The following SUSD5 variants were observed in gnomAD, a reference collection of about 807,000 sequenced individuals.
SUSD5 encodes the protein sushi domain containing 5, also known as sushi domain-containing protein 5.
Under a neutral mutation model 29.5 loss-of-function variants are expected in SUSD5, and 33 were observed. That is an observed-to-expected ratio of 1.12 (90% CI 0.85 to 1.49). The LOEUF is 1.49. Ranked by LOEUF, SUSD5 falls within the 40% of genes most tolerant of loss-of-function variation. The pLI is 0.00. For missense variants in SUSD5, 776 were observed against 800.6 expected, an observed-to-expected ratio of 0.97 and a Z score of 0.37; for synonymous variants, 308 against 325.3, an observed-to-expected ratio of 0.95 and a Z score of 0.57.
chr3:33,154,366 AC>A (rs1041526382), intron 4 of SUSD5, among the ~76,000 whole-genome samples: 1 of 152,128 alleles, frequency 6.6e-6, no homozygotes, highest in African/African-American at 2.4e-5. Context: ...CTAATAAAAT[AC>A]AAAAAAATAG....
intron 3 of SUSD5, among the ~76,000 whole-genome samples, chr3:33,179,163 G>C (rs1007788022): frequency 3.3e-5 from 5 of 152,182 alleles, no homozygotes; most frequent in African/African-American, 1.2e-4. Flanking sequence ...TCTACAATGG[G>C]ACAATTTAAT....
intron 3 of SUSD5, among the ~76,000 whole-genome samples, chr3:33,201,373 C>T (rs572449501): frequency 1.3e-5 from 2 of 152,312 alleles, no homozygotes; most frequent in South Asian, 2.1e-4. Flanking sequence ...AGAGTGCAGC[C>T]GCAGCTCTTC....
At position 33,150,702 on chromosome 3, in the gene SUSD5, T is replaced by C. The variant is rs557980775; in HGVS notation, c.*2040A>G. On this transcript the variant is annotated 3_prime_UTR_variant, in exon 5 of 5. Transcript: ENST00000309558. Reference sequence around the variant, plus strand: ...GAATAAGATCTTTGATTATGCTGCCTCTCTTTACAGCTACTTCGCCTATTA... The same window carrying C: ...GAATAAGATCTTTGATTATGCTGCCCCTCTTTACAGCTACTTCGCCTATTA... 4.6e-5 allele frequency: 7 copies of C among 152,344 alleles called. No individual in the cohort carries two copies. The East Asian group carries it at 1.3e-3, about 29-fold the overall frequency. The allele number at this position is 152,344 out of a possible 1,614,324, so 9.4% of individuals were successfully genotyped here. A position where few individuals can be genotyped will look rare whatever the true frequency, so the allele number is the denominator to read the frequency against.
At chr3:33,172,794 T>A (rs187508700) in intron 4 of SUSD5, among the ~76,000 whole-genome samples, 62 of 152,390 alleles carry the variant, frequency 4.1e-4, no homozygotes, top group Admixed American at 3.9e-3. Flanking sequence ...CTACTTAATT[T>A]AACACAGATT....
intron 4 of SUSD5, among the ~76,000 whole-genome samples, chr3:33,169,611 AAGAC>A (rs2031380197): frequency 6.6e-6 from 1 of 152,208 alleles, no homozygotes; most frequent in African/African-American, 2.4e-5. Flanking sequence ...CAACTCCCAG[AAGAC>A]AGACAGCATG....
chr3:33,150,804 C>T lies in SUSD5; in HGVS notation c.*1938G>A, dbSNP rs2030856288. 1 of 152,064 alleles carries T rather than the reference C, an allele frequency of 6.6e-6. No homozygotes were observed. Among genetic ancestry groups the T allele is most frequent in the Non-Finnish European group, 1.5e-5 (1 of 68,008 alleles). 9.4% of individuals were successfully genotyped at this position (152,064 alleles called of 1,614,324 possible). A position where few individuals can be genotyped will look rare whatever the true frequency, so the allele number is the denominator to read the frequency against. On this transcript the variant is annotated 3_prime_UTR_variant, in exon 5 of 5. Coordinates refer to ENST00000309558, the MANE Select transcript of SUSD5 (RefSeq NM_015551.2). The stretch of plus-strand genomic sequence containing the variant: ...ATGTTTTTTTTCCTTAGGTAAAACA[C>T]CACCAACAATTTTTCAATCATAAAA...
intron 3 of SUSD5, among the ~76,000 whole-genome samples, chr3:33,195,923 A>G (rs2031986343): frequency 6.6e-6 from 1 of 152,232 alleles, no homozygotes; most frequent in Non-Finnish European, 1.5e-5. Context: ...ACATATTCAT[A>G]TTTATAATAG....
intron 3 of SUSD5, among the ~76,000 whole-genome samples, chr3:33,190,044 C>A (rs943801482): frequency 6.6e-6 from 1 of 152,112 alleles, no homozygotes; most frequent in Non-Finnish European, 1.5e-5. Flanking sequence ...TATTCAAATT[C>A]AAAAAACTGA....
At chr3:33,199,148 A>G (rs1053596499) in intron 3 of SUSD5, among the ~76,000 whole-genome samples, 21 of 152,172 alleles carry the variant, frequency 1.4e-4, no homozygotes, top group Middle Eastern at 3.4e-3. Flanking sequence ...ATCTCCCTTC[A>G]GTCTCACTGC....
At position 33,207,816 on chromosome 3, in the gene SUSD5, T is replaced by C. The variant is rs201895444; in HGVS notation, c.401A>G (p.Lys134Arg). 23 of 1,611,618 alleles carry C rather than the reference T, an allele frequency of 1.4e-5. No individual in the cohort carries two copies. In the African/African-American group the frequency reaches 2.9e-4, roughly 21 times the overall value. The change falls in exon 3 of 5, where the codon AAG becomes AGG. Residue 134 changes from lysine (K) to arginine (R), a missense_variant. By Grantham distance (26) the Lys-to-Arg change is conservative. Coordinates refer to ENST00000309558, the MANE Select transcript of SUSD5 (RefSeq NM_015551.2). The part of the protein sequence containing the change: ...PGGTYSALCI[K>R]DEEKPCGDPP... ...AAGACTCTGGCACTGACCTTCATCC[T>C]TAATACAAAGGGCACTGTATGTGCC... is the stretch of plus-strand genomic sequence containing the variant.
intron 1 of SUSD5, among the ~76,000 whole-genome samples, chr3:33,214,693 C>T (rs1166782885): frequency 6.6e-6 from 1 of 152,080 alleles, no homozygotes; most frequent in Non-Finnish European, 1.5e-5. Flanking sequence ...AATATATGGA[C>T]ATGTAGTGGG....
At chr3:33,160,202 T>A (rs1024952347) in intron 4 of SUSD5, among the ~76,000 whole-genome samples, 3 of 152,182 alleles carry the variant, frequency 2.0e-5, no homozygotes, top group Non-Finnish European at 4.4e-5. Context: ...CTTGAACTTC[T>A]GGTCTCAAGC....
chr3:33,202,054 ATCTATCTG>A (rs138267485), intron 3 of SUSD5, among the ~76,000 whole-genome samples: 8,011 of 122,926 alleles, frequency 0.065, 652 homozygotes, highest in African/African-American at 0.21. Context: ...CTATCTATCT[ATCTATCTG>A]TCTATCTATC....
chr3:33,153,829 G>T lies in SUSD5; in HGVS notation c.803C>A (p.Pro268Gln). Residue 268 changes from proline (P) to glutamine (Q), a missense_variant, in exon 5 of 5, where the codon CCA becomes CAA. Pro to Gln is a moderately conservative substitution (Grantham distance 76, BLOSUM62 -1). Coordinates refer to ENST00000309558, the MANE Select transcript of SUSD5 (RefSeq NM_015551.2). ...ENIARDKVFV[P>Q]TTGLPGAGSS... Reference sequence around the variant, plus strand: ...CCCAGCACCAGGCAAGCCTGTGGTTGGCACAAAGACTTTATCCCGGGCTAT... The same window carrying T: ...CCCAGCACCAGGCAAGCCTGTGGTTTGCACAAAGACTTTATCCCGGGCTAT... 6.2e-7 allele frequency: 1 copy of T among 1,614,000 alleles called. No individual in the cohort carries two copies. The highest frequency in any genetic ancestry group is 8.5e-7 in the Non-Finnish European group (1 of 1,179,878).
chr3:33,217,976 AT>A (rs1252646986), intron 1 of SUSD5, among the ~76,000 whole-genome samples: 4 of 152,212 alleles, frequency 2.6e-5, no homozygotes, highest in Non-Finnish European at 5.9e-5. Context: ...AATCCTGCTC[AT>A]TTTAGGGCAA....
intron 2 of SUSD5, among the ~76,000 whole-genome samples, chr3:33,209,117 G>C (rs2032275558): frequency 2.0e-5 from 3 of 152,104 alleles, no homozygotes; most frequent in Admixed American, 2.0e-4. Flanking sequence ...TTTTCTTTCA[G>C]TACCTTCAAA....
chr3:33,156,174 A>G (rs566484452), intron 4 of SUSD5, among the ~76,000 whole-genome samples: 71 of 151,662 alleles, frequency 4.7e-4, no homozygotes, highest in African/African-American at 1.5e-3. Flanking sequence ...CTGAGTAGCT[A>G]GGATTACAGG....
At chr3:33,180,137 A>G (rs144932981) in intron 3 of SUSD5, among the ~76,000 whole-genome samples, 1 of 152,302 alleles carries the variant, frequency 6.6e-6, no homozygotes, top group East Asian at 1.9e-4. Context: ...TTATTTTTAA[A>G]AAGTTAACTA....
At position 33,204,198 on chromosome 3, in the gene SUSD5, T is replaced by C. The variant is rs1260388591; in HGVS notation, c.409+3610A>G. Among the ~76,000 whole-genome samples the C allele has an allele frequency of 2.0e-5, 3 of 152,146 alleles. No individual in the cohort carries two copies. The highest frequency in any genetic ancestry group is 2.9e-5 in the Non-Finnish European group (2 of 68,024). On this transcript the variant is annotated intron_variant, in intron 3 of 4. Coordinates refer to ENST00000309558, the MANE Select transcript of SUSD5 (RefSeq NM_015551.2). The surrounding 1 kb of genome is among the most constrained non-coding windows in gnomAD (Gnocchi z 4.5). ...ACACATATATACATATTTACATATG[T>C]ATATATATGTATCTTGCTATGTTGC...
Sources: gnomAD v4.1 joint callset for allele counts (sites outside exome capture counted in the v4.1 genomes callset) on GRCh38, gnomAD v4.1.1 for gene constraint, Gnocchi (gnomAD v3.1) non-coding constraint, MANE v1.5 for transcripts, NCBI Gene and HGNC (gene_info 2026-07-23, HGNC 2026-07-21) for gene names.